DGLUCY: variants seen among roughly 807,000 people sequenced by gnomAD.
DGLUCY encodes the protein D-glutamate cyclase, mitochondrial.
Under a neutral mutation model 58.5 loss-of-function variants are expected in DGLUCY, and 58 were observed. That is an observed-to-expected ratio of 0.99 (90% CI 0.80 to 1.23). The LOEUF (loss-of-function observed/expected upper bound fraction) is 1.23, where lower values mean the gene tolerates loss of function less well. Ranked by LOEUF, DGLUCY falls within the 50% of genes most tolerant of loss-of-function variation. DGLUCY has a pLI of 0.00. For missense variants in DGLUCY, 779 were observed against 784.7 expected (o/e 0.99, Z 0.09); for synonymous variants, 325 against 314.1 (o/e 1.03, Z -0.37).
intron 1 of DGLUCY, among the ~76,000 whole-genome samples, chr14:91,145,710 A>G (rs1355970864): frequency 6.6e-6 from 1 of 152,052 alleles, no homozygotes; most frequent in Non-Finnish European, 1.5e-5. Flanking sequence ...AGCACTTTAC[A>G]TACATCATCT....
chr14:91,199,877 GA>G lies in DGLUCY; in HGVS notation c.1418del (p.Lys473ArgfsTer27). The G allele has an allele frequency of 6.2e-7, 1 of 1,614,116 alleles. No homozygotes were observed. Among genetic ancestry groups the G allele is most frequent in the Non-Finnish European group, 8.5e-7 (1 of 1,180,006 alleles). On this transcript the variant is annotated frameshift_variant, in exon 11 of 14. Coordinates refer to ENST00000256324, the MANE Select transcript of DGLUCY (RefSeq NM_001102368.3). LOFTEE classifies it high-confidence loss of function. ...DPIDDLFLAA[K>X]KIPGISSTGV... is the part of the protein sequence containing the mutation. ...CCATTGACGATCTTTTTCTTGCTGCGAAGAAGATTCCTGGAATCTCATCAAC... is the reference window on the plus strand; with the variant it reads ...CCATTGACGATCTTTTTCTTGCTGCGAGAAGATTCCTGGAATCTCATCAAC...
intron 1 of DGLUCY, among the ~76,000 whole-genome samples, chr14:91,147,031 G>T (rs1221649403): frequency 6.6e-6 from 1 of 152,058 alleles, no homozygotes; most frequent in Non-Finnish European, 1.5e-5. Context: ...TCACTGTCTT[G>T]CTGTCATTGT....
chr14:91,102,387 C>T (rs544943494), intron 1 of DGLUCY, among the ~76,000 whole-genome samples: 1 of 152,112 alleles, frequency 6.6e-6, no homozygotes, highest in African/African-American at 2.4e-5. Flanking sequence ...CAATAGTGAA[C>T]TTCCCTCATT....
intron 1 of DGLUCY, among the ~76,000 whole-genome samples, chr14:91,144,231 CCG>C (rs2046891976): frequency 2.0e-5 from 3 of 152,184 alleles, no homozygotes; most frequent in Admixed American, 6.5e-5. Context: ...ATTCTACTGG[CCG>C]TTTGGTAACA....
At chr14:91,147,426 G>C (rs896511819) in intron 1 of DGLUCY, among the ~76,000 whole-genome samples, 2 of 152,196 alleles carry the variant, frequency 1.3e-5, no homozygotes, top group Admixed American at 6.6e-5. Context: ...AGGCAGTACA[G>C]AATAGGGCCC....
At chr14:91,186,691 C>T (rs1189622103) in intron 8 of DGLUCY, among the ~76,000 whole-genome samples, 1 of 152,186 alleles carries the variant, frequency 6.6e-6, no homozygotes, top group East Asian at 1.9e-4. Context: ...TTGTTAGGAA[C>T]AGTGGGCACG....
upstream of DGLUCY, among the ~76,000 whole-genome samples, chr14:91,105,082 A>C (rs2044566181): frequency 6.6e-6 from 1 of 152,184 alleles, no homozygotes; most frequent in African/African-American, 2.4e-5. Flanking sequence ...TGGGAAGCTG[A>C]GTTGGGAGGA....
intron 13 of DGLUCY, among the ~76,000 whole-genome samples, chr14:91,219,009 A>G (rs957614892): frequency 2.6e-5 from 4 of 151,732 alleles, no homozygotes; most frequent in East Asian, 3.9e-4. Context: ...GTGAAACCCC[A>G]TCTCTACTGA....
chr14:91,208,040 G>A (rs140463828), intron 12 of DGLUCY, among the ~76,000 whole-genome samples: 31 of 152,162 alleles, frequency 2.0e-4, no homozygotes, highest in Admixed American at 1.8e-3. Context: ...GAGCCACCAC[G>A]CCCGGCCACC....
chr14:91,097,204 C>G (rs145167697), intron 1 of DGLUCY, among the ~76,000 whole-genome samples: 7,475 of 152,172 alleles, frequency 0.049, 538 homozygotes, highest in African/African-American at 0.15. Context: ...CAAGACCAGC[C>G]TGGGCAATAT....
chr14:91,215,789 T>C, intron 13 of DGLUCY: 8 of 1,352,334 alleles, frequency 5.9e-6, no homozygotes, highest in Non-Finnish European at 7.7e-6. Flanking sequence ...CTAGTTTGAC[T>C]TTGGGTGAGT....
chr14:91,163,254 C>G (rs1015526773), intron 3 of DGLUCY, among the ~76,000 whole-genome samples: 10 of 151,004 alleles, frequency 6.6e-5, no homozygotes, highest in Non-Finnish European at 1.3e-4. Context: ...AGTGAGACTC[C>G]GTCTCAAAAA....
chr14:91,174,350 G>C (rs2140419412), intron 6 of DGLUCY, among the ~76,000 whole-genome samples: 1 of 152,186 alleles, frequency 6.6e-6, no homozygotes, highest in South Asian at 2.1e-4. Flanking sequence ...CTGTCGCCCA[G>C]GCTGGAGTGC....
chr14:91,196,386 A>C lies in DGLUCY; in HGVS notation c.1207A>C (p.Thr403Pro), dbSNP rs1408701440. 2 of 1,613,978 alleles carry C rather than the reference A, an allele frequency of 1.2e-6. No homozygotes were observed. Among genetic ancestry groups the C allele is most frequent in the African/African-American group, 2.7e-5 (2 of 74,910 alleles). The change falls in exon 10 of 14, where the codon ACG (threonine) becomes CCG (proline). Residue 403 changes from threonine (T) to proline (P), a missense_variant. Thr to Pro is a conservative substitution (Grantham distance 38). Coordinates refer to ENST00000256324, the MANE Select transcript of DGLUCY (RefSeq NM_001102368.3). ...EDAVEQGVLK[T>P]QIPILTYQGG... The stretch of plus-strand genomic sequence containing the variant: ...CCTTTATTTTCAAGGTGTTCTGAAG[A>C]CGCAGATCCCGATATTAACTTACCA...
rs376260760 is a variant in DGLUCY, at chr14:91,151,341, G to A, written c.-81-6298G>A. Among the ~76,000 whole-genome samples the A allele has an allele frequency of 1.1e-4, 16 of 152,134 alleles. No homozygotes were observed. The East Asian group carries it at 1.7e-3, about 17-fold the overall frequency. ...TGCAAGCTCTGCCTCCGGGGTTCAC[G>A]CCATTCTCCTAACTCAGCCTCCCAA... On this transcript the variant is annotated intron_variant, in intron 1 of 13. Transcript: ENST00000256324.
chr14:91,125,908 G>T lies in DGLUCY; in HGVS notation c.-82+11625G>T, dbSNP rs1364458884. Among the ~76,000 whole-genome samples, 6 of 152,288 alleles carry T rather than the reference G, an allele frequency of 3.9e-5. No individual in the cohort carries two copies. In the South Asian group the frequency reaches 1.2e-3, roughly 32 times the overall value. ...GATCTTGCCACTGTACTCTAGCCTGGGTGACAGAGCAGGACACAGTCTCTA... is the reference window on the plus strand; with the variant it reads ...GATCTTGCCACTGTACTCTAGCCTGTGTGACAGAGCAGGACACAGTCTCTA... On this transcript the variant is annotated intron_variant, in intron 1 of 13. Coordinates refer to ENST00000256324, the MANE Select transcript of DGLUCY (RefSeq NM_001102368.3).
intron 4 of DGLUCY, among the ~76,000 whole-genome samples, chr14:91,169,568 C>T (rs2048456361): frequency 6.6e-6 from 1 of 152,130 alleles, no homozygotes; most frequent in Admixed American, 6.5e-5. Flanking sequence ...TACCACCATG[C>T]CTGGCTAGTT....
intron 3 of DGLUCY, among the ~76,000 whole-genome samples, chr14:91,166,173 G>C (rs965924944): frequency 2.0e-5 from 3 of 152,204 alleles, no homozygotes; most frequent in African/African-American, 4.8e-5. Context: ...CTTGTTCCTT[G>C]ATCTGGATGC....
intron 1 of DGLUCY, among the ~76,000 whole-genome samples, chr14:91,077,263 GAA>G (rs974043916): frequency 4.0e-5 from 6 of 149,716 alleles, no homozygotes; most frequent in Non-Finnish European, 8.9e-5. Context: ...GGGAGAGAGA[GAA>G]AGAGAGAGAG....
Sources: allele counts gnomAD v4.1 joint callset (sites outside exome capture counted in the v4.1 genomes callset), GRCh38; gene constraint gnomAD v4.1.1; transcripts MANE v1.5; gene names NCBI Gene and HGNC (gene_info 2026-07-23, HGNC 2026-07-21).